CNTNAP5: variants seen among roughly 807,000 people sequenced by gnomAD.
CNTNAP5 encodes contactin-associated protein-like 5.
CNTNAP5 carries 72 observed loss-of-function variants against 150.2 expected under a neutral mutation model. The ratio of observed to expected loss-of-function variants is 0.48; its 90% CI spans 0.40 to 0.58. CNTNAP5 has a LOEUF of 0.58. Ranked by LOEUF, CNTNAP5 falls within the 20% of genes least tolerant of loss-of-function variation. CNTNAP5 has a pLI of 0.00. For missense variants in CNTNAP5, 1,636 were observed against 1,626.2 expected (o/e 1.01, Z -0.10); for synonymous variants, 672 against 619.8 (o/e 1.08, Z -1.25).
At chr2:124,264,639 C>G (rs993023589) in intron 3 of CNTNAP5, among the ~76,000 whole-genome samples, 6 of 152,134 alleles carry the variant, frequency 3.9e-5, no homozygotes, top group African/African-American at 1.4e-4. Flanking sequence ...GTGGAGAGCT[C>G]AGGCTCATGT....
Position 124,921,081 on chromosome 2 carries a change from C to T in CNTNAP5, c.*6793C>T, listed in dbSNP as rs770445718. On this transcript the variant is annotated 3_prime_UTR_variant, in exon 24 of 24. Coordinates refer to ENST00000682447, the MANE Select transcript of CNTNAP5 (RefSeq NM_001367498.1). ...GTAGACCATGTAACATGTCTTAATA[C>T]ACTGTATGGGGAAAAAATAAAAGTT... 1.3e-5 allele frequency among the ~76,000 whole-genome samples: 2 copies of T among 152,062 alleles called. No individual in the cohort carries two copies. Among genetic ancestry groups the T allele is most frequent in the Admixed American group, 6.6e-5 (1 of 15,246 alleles).
At chr2:124,413,362 G>C (rs375776083) in intron 3 of CNTNAP5, among the ~76,000 whole-genome samples, 51 of 150,162 alleles carry the variant, frequency 3.4e-4, no homozygotes, top group African/African-American at 1.0e-3. Context: ...ATCATTTGAC[G>C]CAGCCATCCC....
intron 12 of CNTNAP5, among the ~76,000 whole-genome samples, chr2:124,617,488 C>A (rs563362771): frequency 6.6e-6 from 1 of 152,228 alleles, no homozygotes; most frequent in Non-Finnish European, 1.5e-5. Flanking sequence ...GAGATTGCTA[C>A]CCTGCCTTCA....
intron 16 of CNTNAP5, among the ~76,000 whole-genome samples, chr2:124,766,399 G>A (rs1274368576): frequency 3.4e-5 from 5 of 145,132 alleles, no homozygotes; most frequent in African/African-American, 1.4e-4. Context: ...CTCCAGAAAA[G>A]GAGACAAAAA....
intron 1 of CNTNAP5, among the ~76,000 whole-genome samples, chr2:124,122,900 A>ATG (rs1683600709): frequency 6.8e-6 from 1 of 147,582 alleles, no homozygotes; most frequent in African/African-American, 2.5e-5. Context: ...AAAAAAATAT[A>ATG]TGTATATATA....
intron 1 of CNTNAP5, among the ~76,000 whole-genome samples, chr2:124,058,368 C>T (rs1165137621): frequency 3.3e-5 from 5 of 152,180 alleles, no homozygotes; most frequent in Non-Finnish European, 7.3e-5. Context: ...ATCATGCCAT[C>T]ATGCCTTTGC....
At chr2:124,513,786 G>C (rs997401808) in intron 8 of CNTNAP5, among the ~76,000 whole-genome samples, 6 of 152,174 alleles carry the variant, frequency 3.9e-5, no homozygotes, top group African/African-American at 1.4e-4. Flanking sequence ...TAGGGAGATG[G>C]CCTGGAGAGC....
intron 3 of CNTNAP5, among the ~76,000 whole-genome samples, chr2:124,251,346 T>C (rs4144192): frequency 0.27 from 41,169 of 151,424 alleles, 5,845 homozygotes; most frequent in South Asian, 0.49. Context: ...GGGCTGGAGT[T>C]ATTTAACCTT....
At chr2:124,108,020 A>G (rs1257625636) in intron 1 of CNTNAP5, among the ~76,000 whole-genome samples, 4 of 152,344 alleles carry the variant, frequency 2.6e-5, no homozygotes, top group Middle Eastern at 6.8e-3. Context: ...TTAGTTGAGC[A>G]TAGTGAATCT....
At chr2:124,337,615 G>T (rs541121225) in intron 3 of CNTNAP5, among the ~76,000 whole-genome samples, 2 of 152,076 alleles carry the variant, frequency 1.3e-5, no homozygotes, top group South Asian at 2.1e-4. Context: ...TCCCATCACC[G>T]TTTATTAAAT....
intron 13 of CNTNAP5, among the ~76,000 whole-genome samples, chr2:124,718,195 A>T (rs1177719369): frequency 6.6e-6 from 1 of 152,200 alleles, no homozygotes; most frequent in Non-Finnish European, 1.5e-5. Flanking sequence ...AAAGCTTTGA[A>T]TTATAAAAAA....
intron 19 of CNTNAP5, among the ~76,000 whole-genome samples, chr2:124,808,631 ATT>A (rs1682134078): frequency 6.6e-6 from 1 of 151,812 alleles, no homozygotes; most frequent in African/African-American, 2.4e-5. Context: ...TTTTTATTTT[ATT>A]TTAGAAGTAG....
At chr2:124,244,829 A>C (rs972288246) in intron 3 of CNTNAP5, among the ~76,000 whole-genome samples, 8 of 152,158 alleles carry the variant, frequency 5.3e-5, no homozygotes, top group African/African-American at 1.9e-4. Flanking sequence ...GTAATTCTTT[A>C]TGTATATTAA....
Position 124,889,470 on chromosome 2 carries a change from A to G in CNTNAP5, c.3437-13412A>G, listed in dbSNP as rs544460882. 4.6e-5 allele frequency among the ~76,000 whole-genome samples: 7 copies of G among 152,162 alleles called. No individual in the cohort carries two copies. The South Asian group carries it at 1.4e-3, about 32-fold the overall frequency. On this transcript the variant is annotated intron_variant, in intron 21 of 23. Coordinates refer to ENST00000682447, the MANE Select transcript of CNTNAP5 (RefSeq NM_001367498.1). ...GGGGTCCAGTTTCATTATTCTACGT[A>G]TGGATAGTCAGCTATCCCAGTGCCA...
At chr2:124,576,479 A>T (rs1315634299) in intron 11 of CNTNAP5, among the ~76,000 whole-genome samples, 1 of 152,176 alleles carries the variant, frequency 6.6e-6, no homozygotes, top group Non-Finnish European at 1.5e-5. Context: ...ACATATGCAG[A>T]TTAGGGATAC....
intron 3 of CNTNAP5, among the ~76,000 whole-genome samples, chr2:124,409,664 G>C (rs1393888168): frequency 7.4e-6 from 1 of 135,968 alleles, no homozygotes; most frequent in Non-Finnish European, 1.6e-5. Flanking sequence ...ATCCTTTACA[G>C]ACAAGCAAAT....
chr2:124,674,446 C>T (rs989082986), intron 13 of CNTNAP5, among the ~76,000 whole-genome samples: 8 of 139,868 alleles, frequency 5.7e-5, no homozygotes, highest in Non-Finnish European at 9.3e-5. Context: ...CCTTCCTTTC[C>T]TTTCCCTTCC....
intron 12 of CNTNAP5, among the ~76,000 whole-genome samples, chr2:124,621,359 AG>A (rs1315338977): frequency 6.6e-6 from 1 of 152,218 alleles, no homozygotes; most frequent in African/African-American, 2.4e-5. Context: ...AGGAACATTT[AG>A]TCAAATCTCT....
intron 9 of CNTNAP5, among the ~76,000 whole-genome samples, chr2:124,525,101 A>C (rs570104767): frequency 1.3e-5 from 2 of 152,254 alleles, no homozygotes; most frequent in Non-Finnish European, 2.9e-5. Flanking sequence ...CTGATGGTGA[A>C]GAAAAACATA....
Sources: gnomAD v4.1 joint callset for allele counts (sites outside exome capture counted in the v4.1 genomes callset) on GRCh38, gnomAD v4.1.1 for gene constraint, MANE v1.5 for transcripts, NCBI Gene and HGNC (gene_info 2026-07-23, HGNC 2026-07-21) for gene names.